CCDC171: variants seen among roughly 807,000 people sequenced by gnomAD.
The protein encoded by CCDC171 is coiled-coil domain-containing protein 171.
CCDC171 carries 177 observed loss-of-function variants against 168.2 expected under a neutral mutation model. The ratio of observed to expected loss-of-function variants is 1.05; its 90% CI spans 0.93 to 1.19. The LOEUF is 1.19. CCDC171 is among the 50% of genes most tolerant of loss of function. The pLI is 0.00. For synonymous variants in CCDC171, 687 were observed against 540.8 expected, an observed-to-expected ratio of 1.27 and a Z score of -3.75; for missense variants, 1,991 against 1,539.0, an observed-to-expected ratio of 1.29 and a Z score of -4.91.
chr9:15,625,649 G>A (rs1392548272), intron 7 of CCDC171, among the ~76,000 whole-genome samples: 1 of 152,128 alleles, frequency 6.6e-6, no homozygotes, highest in Admixed American at 6.5e-5. Context: ...ATATTTCTGA[G>A]GGCTCTGTTC....
intron 18 of CCDC171, among the ~76,000 whole-genome samples, chr9:15,767,530 G>C (rs2056786636): frequency 6.6e-6 from 1 of 151,930 alleles, no homozygotes; most frequent in African/African-American, 2.4e-5. Flanking sequence ...CTCTCTCGTT[G>C]TGTAACATAA....
At chr9:15,867,609 T>A (rs1004094056) in intron 23 of CCDC171, among the ~76,000 whole-genome samples, 1 of 152,060 alleles carries the variant, frequency 6.6e-6, no homozygotes, top group South Asian at 2.1e-4. Flanking sequence ...TATTGTTCGG[T>A]GTCATTCTGA....
chr9:15,583,344 A>G (rs1174459275), intron 4 of CCDC171, among the ~76,000 whole-genome samples: 2 of 150,396 alleles, frequency 1.3e-5, no homozygotes, highest in East Asian at 4.0e-4. Flanking sequence ...CCTGGGAGGC[A>G]GAGGTTGCAG....
At chr9:16,095,542 TTCTC>T in the CCDC171 span, among the ~76,000 whole-genome samples, 5 of 150,428 alleles carry the variant, frequency 3.3e-5, no homozygotes, top group Non-Finnish European at 7.4e-5. Context: ...CGCTCTCTCT[TTCTC>T]TCTCTCTCTC....
intron 25 of CCDC171, among the ~76,000 whole-genome samples, chr9:15,929,689 G>C (rs1383728325): frequency 1.3e-5 from 2 of 151,648 alleles, no homozygotes; most frequent in Non-Finnish European, 2.9e-5. Flanking sequence ...CTTCCAATAA[G>C]TTTTCTCATA....
At chr9:16,031,939 A>T (rs140955762) in intron 6 of CCDC171, among the ~76,000 whole-genome samples, 134 of 152,328 alleles carry the variant, frequency 8.8e-4, no homozygotes, top group African/African-American at 3.0e-3. Flanking sequence ...GCCCTTCCTC[A>T]GTTCCCACTG....
intron 20 of CCDC171, among the ~76,000 whole-genome samples, chr9:15,782,695 C>T (rs947293939): frequency 2.0e-5 from 3 of 152,036 alleles, no homozygotes; most frequent in African/African-American, 7.2e-5. Context: ...GTTCACAAGA[C>T]CCAGCGCATA....
chr9:15,695,828 T>C (rs532291116), intron 11 of CCDC171, among the ~76,000 whole-genome samples: 4 of 152,330 alleles, frequency 2.6e-5, no homozygotes, highest in Admixed American at 6.5e-5. Context: ...ACTGTCCAGA[T>C]AAGAATGCTT....
intron 11 of CCDC171, among the ~76,000 whole-genome samples, chr9:15,697,563 T>C (rs2051311603): frequency 1.3e-5 from 2 of 152,208 alleles, no homozygotes; most frequent in Admixed American, 1.3e-4. Context: ...TGGGTTTTTG[T>C]TACATAAGCA....
the CCDC171 span, among the ~76,000 whole-genome samples, chr9:16,095,273 C>A: frequency 2.6e-5 from 4 of 152,278 alleles, no homozygotes; most frequent in South Asian, 2.1e-4. Flanking sequence ...CAATCGCCTT[C>A]GGTGAGCATG....
At position 15,777,796 on chromosome 9, in the gene CCDC171, A is replaced by T; in HGVS notation, c.2868A>T (p.Lys956Asn). The change falls in exon 19 of 26, where the codon AAA (lysine) becomes AAT (asparagine). Residue 956 changes from lysine (K) to asparagine (N), a missense_variant. Transcript: ENST00000380701. ...GLHKVNTLAL[K>N]YGLRGHVPIT... ...ATAAAGTAAACACACTGGCCCTGAA[A>T]TATGGTTTGCGTGGCCATGTGCCCA... 3.1e-6 allele frequency: 5 copies of T among 1,611,680 alleles called. No individual in the cohort carries two copies. The highest frequency in any genetic ancestry group is 4.2e-6 in the Non-Finnish European group (5 of 1,179,452).
chr9:15,988,531 A>C (rs1832075796), intron 3 of CCDC171, among the ~76,000 whole-genome samples: 1 of 152,176 alleles, frequency 6.6e-6, no homozygotes, highest in East Asian at 1.9e-4. Flanking sequence ...TCCATTTCCA[A>C]CTGAGGTACC....
intron 3 of CCDC171, among the ~76,000 whole-genome samples, chr9:15,994,738 A>G (rs60979080): frequency 0.083 from 12,674 of 152,242 alleles, 1,743 homozygotes; most frequent in African/African-American, 0.29. Context: ...CATCTCAGTC[A>G]TCACTATTCT....
chr9:15,882,922 G>A (rs566841699), intron 24 of CCDC171, among the ~76,000 whole-genome samples: 2 of 149,820 alleles, frequency 1.3e-5, no homozygotes, highest in African/African-American at 2.5e-5. Flanking sequence ...AATCTTGAGG[G>A]TAAAAATATA....
chr9:15,627,809 A>G (rs1046302019), intron 7 of CCDC171, among the ~76,000 whole-genome samples: 30 of 152,260 alleles, frequency 2.0e-4, no homozygotes, highest in African/African-American at 6.3e-4. Context: ...TTTTGCATGG[A>G]GAGTACCGTA....
chr9:15,565,467 C>T (rs953361589), intron 2 of CCDC171, among the ~76,000 whole-genome samples: 2 of 152,160 alleles, frequency 1.3e-5, no homozygotes, highest in African/African-American at 4.8e-5. Flanking sequence ...TGTAGGCACG[C>T]ACCATTGCTC....
chr9:15,677,648 G>A (rs556366254), intron 9 of CCDC171, among the ~76,000 whole-genome samples: 9 of 150,884 alleles, frequency 6.0e-5, no homozygotes, highest in Admixed American at 2.0e-4. Flanking sequence ...AAAATACTTC[G>A]AAGCTACCTT....
intron 21 of CCDC171, among the ~76,000 whole-genome samples, chr9:15,826,558 C>G (rs2136181278): frequency 6.6e-6 from 1 of 152,260 alleles, no homozygotes; most frequent in East Asian, 1.9e-4. Context: ...TCTCAATTTT[C>G]TCTGTTGGAA....
intron 8 of CCDC171, among the ~76,000 whole-genome samples, chr9:15,662,979 TCAACAACAACAACAACAA>T (rs139672521): frequency 1.9e-4 from 28 of 150,242 alleles, no homozygotes; most frequent in South Asian, 6.4e-4. Flanking sequence ...AGACTTCGTC[TCAACAACAACAACAACAA>T]CAACAACAAC....
Sources: gnomAD v4.1 joint callset for allele counts (sites outside exome capture counted in the v4.1 genomes callset) on GRCh38, gnomAD v4.1.1 for gene constraint, MANE v1.5 for transcripts, NCBI Gene and HGNC (gene_info 2026-07-23, HGNC 2026-07-21) for gene names.